PDE11A: variants seen among roughly 807,000 people sequenced by gnomAD.
PDE11A encodes dual 3',5'-cyclic-AMP and -GMP phosphodiesterase 11A.
In PDE11A, 100 loss-of-function variants were observed where a neutral mutation model predicts 100.5. The observed-to-expected ratio is 1.00, with a 90% CI of 0.85 to 1.18. The LOEUF is 1.18. Among genes scored for constraint, PDE11A ranks in the 50% most tolerant of loss-of-function variants. The probability of loss-of-function intolerance (pLI) is 0.00; values close to 1 mark genes in which losing one functional copy is unlikely to be tolerated. For synonymous variants in PDE11A, 381 were observed against 420.8 expected (o/e 0.91, Z 1.16); for missense variants, 1,141 against 1,152.6 (o/e 0.99, Z 0.15).
intron 10 of PDE11A, among the ~76,000 whole-genome samples, chr2:177,740,454 A>G (rs1487090430): frequency 5.9e-5 from 9 of 152,216 alleles, no homozygotes. Context: ...GCTTTATAGT[A>G]TTCCATTTAA....
intron 5 of PDE11A, among the ~76,000 whole-genome samples, chr2:177,865,113 T>C (rs2084005652): frequency 1.3e-5 from 2 of 152,138 alleles, no homozygotes; most frequent in Non-Finnish European, 2.9e-5. Context: ...ACCCAATCTC[T>C]ACTAAAAGTA....
chr2:178,026,258 G>T (rs2366352), intron 1 of PDE11A, among the ~76,000 whole-genome samples: 144,223 of 152,312 alleles, frequency 0.95, 68,787 homozygotes, highest in East Asian at 1. Flanking sequence ...GCAAATACCA[G>T]AATTTATAGA....
At chr2:177,856,015 G>A (rs913202504) in intron 5 of PDE11A, among the ~76,000 whole-genome samples, 2 of 151,814 alleles carry the variant, frequency 1.3e-5, no homozygotes, top group Non-Finnish European at 2.9e-5. Flanking sequence ...TTGAAGCTCT[G>A]TGTTAAGTGG....
chr2:177,823,716 A>G (rs1240422121), intron 6 of PDE11A, among the ~76,000 whole-genome samples: 1 of 152,172 alleles, frequency 6.6e-6, no homozygotes, highest in African/African-American at 2.4e-5. Flanking sequence ...GTAAGCATGA[A>G]GAGAAGAAAG....
intron 18 of PDE11A, among the ~76,000 whole-genome samples, chr2:177,665,608 C>A (rs2080563842): frequency 1.3e-5 from 2 of 151,788 alleles, no homozygotes. Context: ...GTAATTCCAG[C>A]ACTTTTTGAA....
chr2:177,682,423 T>C (rs1291829715), intron 15 of PDE11A, among the ~76,000 whole-genome samples: 1 of 152,182 alleles, frequency 6.6e-6, no homozygotes, highest in Non-Finnish European at 1.5e-5. Flanking sequence ...AAAATAAACT[T>C]CTAAATTGAT....
chr2:178,051,931 A>C (rs1455442687), intron 1 of PDE11A, among the ~76,000 whole-genome samples: 2 of 152,212 alleles, frequency 1.3e-5, no homozygotes, highest in Non-Finnish European at 2.9e-5. Flanking sequence ...TTAACACCCC[A>C]CTGTCAACAT....
intron 6 of PDE11A, among the ~76,000 whole-genome samples, chr2:177,829,678 TC>T (rs965638509): frequency 6.6e-6 from 1 of 151,270 alleles, no homozygotes; most frequent in Non-Finnish European, 1.5e-5. Context: ...GGTCTCGATC[TC>T]CTGACCTTGT....
chr2:177,941,360 C>T (rs2085343727), intron 2 of PDE11A, among the ~76,000 whole-genome samples: 1 of 152,158 alleles, frequency 6.6e-6, no homozygotes, highest in Non-Finnish European at 1.5e-5. Flanking sequence ...TCCCCAAACC[C>T]TAACCCCCTC....
chr2:177,949,858 A>G (rs1410388047), intron 2 of PDE11A, among the ~76,000 whole-genome samples: 2 of 152,318 alleles, frequency 1.3e-5, no homozygotes, highest in Admixed American at 6.5e-5. Flanking sequence ...TATCATTCTT[A>G]TAGGGCGTGA....
chr2:177,875,444 C>G (rs1450099853), intron 5 of PDE11A, among the ~76,000 whole-genome samples: 2 of 151,914 alleles, frequency 1.3e-5, no homozygotes, highest in Non-Finnish European at 2.9e-5. Flanking sequence ...GTGGCACAAT[C>G]TCGGCTCACT....
intron 19 of PDE11A, among the ~76,000 whole-genome samples, chr2:177,662,424 T>G (rs558432952): frequency 2.0e-5 from 3 of 152,346 alleles, no homozygotes; most frequent in Admixed American, 1.3e-4. Context: ...TCCCATTTAT[T>G]GCCTAAGTGT....
chr2:177,916,927 AT>A lies in PDE11A; in HGVS notation c.1072-11741del, dbSNP rs1183483256. 5.7e-3 allele frequency among the ~76,000 whole-genome samples: 604 copies of A among 105,296 alleles called. 8 individuals carry two copies. The East Asian group carries it at 0.068, about 12-fold the overall frequency. The allele number at this position is 105,296 out of a possible 152,430, so 69.1% of individuals were successfully genotyped here. On this transcript the variant is annotated intron_variant, in intron 2 of 19. Transcript: ENST00000286063. Reference sequence around the variant, plus strand: ...AGGTGTCTGCCACCACGCCCGGCTAATTTTTTTTTTTTTTTTTTTTTTGTAT... The same window carrying A: ...AGGTGTCTGCCACCACGCCCGGCTAATTTTTTTTTTTTTTTTTTTTTGTAT...
At position 177,843,727 on chromosome 2, in the gene PDE11A, G is replaced by C. The variant is rs567055118; in HGVS notation, c.1368-3344C>G. 2.0e-5 allele frequency among the ~76,000 whole-genome samples: 3 copies of C among 152,218 alleles called. No individual in the cohort carries two copies. The South Asian group carries it at 6.2e-4, about 32-fold the overall frequency. Reference sequence around the variant, plus strand: ...TATAAGCTATGATCTCTGCTCTCAGGGAGTTTGCTACTTAACTGGGGAGAT... The same window carrying C: ...TATAAGCTATGATCTCTGCTCTCAGCGAGTTTGCTACTTAACTGGGGAGAT... On this transcript the variant is annotated intron_variant, in intron 5 of 19. Coordinates refer to ENST00000286063, the MANE Select transcript of PDE11A (RefSeq NM_016953.4).
intron 2 of PDE11A, among the ~76,000 whole-genome samples, chr2:177,931,124 C>G (rs572109004): frequency 3.9e-5 from 6 of 152,158 alleles, no homozygotes; most frequent in African/African-American, 1.2e-4. Flanking sequence ...CCATTGCACT[C>G]CAGCCTGGAC....
intron 5 of PDE11A, among the ~76,000 whole-genome samples, chr2:177,843,920 T>G (rs1053099583): frequency 1.3e-5 from 2 of 152,208 alleles, no homozygotes; most frequent in African/African-American, 4.8e-5. Flanking sequence ...GGTGTTGTAA[T>G]CTAGCTAAGG....
At chr2:177,849,800 C>CAA (rs1359644725) in intron 5 of PDE11A, among the ~76,000 whole-genome samples, 4 of 127,856 alleles carry the variant, frequency 3.1e-5, no homozygotes, top group South Asian at 5.1e-4. Flanking sequence ...AAAAAAAAAA[C>CAA]AAAAAAACCT....
chr2:177,838,392 T>C (rs2083438195), intron 6 of PDE11A, among the ~76,000 whole-genome samples: 1 of 152,204 alleles, frequency 6.6e-6, no homozygotes, highest in Non-Finnish European at 1.5e-5. Context: ...AAAAGAGCTC[T>C]AATTAATTGG....
chr2:177,709,957 A>G (rs566984326), intron 13 of PDE11A, among the ~76,000 whole-genome samples: 4 of 152,298 alleles, frequency 2.6e-5, no homozygotes, highest in African/African-American at 9.6e-5. Context: ...AAGTGAACCC[A>G]GACAGCTTTC....
Sources: allele counts gnomAD v4.1 joint callset (sites outside exome capture counted in the v4.1 genomes callset), GRCh38; gene constraint gnomAD v4.1.1; transcripts MANE v1.5; gene names NCBI Gene and HGNC (gene_info 2026-07-23, HGNC 2026-07-21).